The following CNTNAP2 variants were observed in gnomAD, a reference collection of about 807,000 sequenced individuals.
CNTNAP2 encodes contactin associated protein 2.
Under a neutral mutation model 155.2 loss-of-function variants are expected in CNTNAP2, and 98 were observed. That is an observed-to-expected ratio of 0.63 (90% CI 0.54 to 0.75). The LOEUF (loss-of-function observed/expected upper bound fraction) is 0.75. Among genes scored for constraint, CNTNAP2 ranks in the 30% least tolerant of loss-of-function variants. The pLI is 0.00. For missense variants in CNTNAP2, 1,727 were observed against 1,688.1 expected, an observed-to-expected ratio of 1.02 and a Z score of -0.40; for synonymous variants, 651 against 631.2, an observed-to-expected ratio of 1.03 and a Z score of -0.47.
At chr7:146,468,171 C>T (rs530034440) in intron 1 of CNTNAP2, among the ~76,000 whole-genome samples, 84 of 152,026 alleles carry the variant, frequency 5.5e-4, no homozygotes, top group Middle Eastern at 3.4e-3. Flanking sequence ...AGAAAGTCAA[C>T]GAAGAAAACT....
chr7:146,739,269 G>T (rs1353651061), intron 1 of CNTNAP2, among the ~76,000 whole-genome samples: 4 of 151,818 alleles, frequency 2.6e-5, no homozygotes, highest in Non-Finnish European at 5.9e-5. Context: ...GGCATTTATT[G>T]CTATAAAACT....
At chr7:148,110,528 C>T (rs537234243) in intron 15 of CNTNAP2, among the ~76,000 whole-genome samples, 1 of 152,156 alleles carries the variant, frequency 6.6e-6, no homozygotes, top group Admixed American at 6.5e-5. Context: ...AGTCTGTTAC[C>T]TCCTTCTCTT....
intron 2 of CNTNAP2, among the ~76,000 whole-genome samples, chr7:146,808,440 C>A (rs542522941): frequency 6.6e-6 from 1 of 152,124 alleles, no homozygotes; most frequent in Admixed American, 6.6e-5. Context: ...TCCTGCAATA[C>A]CAGGATTCTG....
chr7:147,639,428 T>C, intron 13 of CNTNAP2, 122 bp downstream of exon 13: 1 of 889,886 alleles, frequency 1.1e-6, no homozygotes, highest in African/African-American at 1.7e-5. Flanking sequence ...AAGGAAGCTG[T>C]AAATAAGTAA....
intron 22 of CNTNAP2, 65 bp from the exon 23 acceptor site, chr7:148,409,326 G>A: frequency 8.2e-7 from 1 of 1,218,460 alleles, no homozygotes; most frequent in Non-Finnish European, 1.2e-6. Flanking sequence ...GAAGAAATAG[G>A]TATCAAATTA....
chr7:146,160,298 C>A (rs1395047725), intron 1 of CNTNAP2, among the ~76,000 whole-genome samples: 1 of 152,010 alleles, frequency 6.6e-6, no homozygotes, highest in East Asian at 1.9e-4. Flanking sequence ...AAAGCACGAG[C>A]AAACACATTC....
rs937398613 is a variant in CNTNAP2, at chr7:146,477,675, ATCT to A, written c.98-296592_98-296590del. ...CACACACACACACACACACACACACATCTTCTGGATTGTATACTAAAAATTTAT... is the reference window on the plus strand; with the variant it reads ...CACACACACACACACACACACACACATCTGGATTGTATACTAAAAATTTAT... On this transcript the variant is annotated intron_variant, in intron 1 of 23. Coordinates refer to ENST00000361727, the MANE Select transcript of CNTNAP2 (RefSeq NM_014141.6). Among the ~76,000 whole-genome samples the A allele has an allele frequency of 5.8e-4, 81 of 138,912 alleles. No homozygotes were observed. In the East Asian group the frequency reaches 0.011, roughly 19 times the overall value. 91.1% of individuals were successfully genotyped at this position (138,912 alleles called of 152,430 possible). A position where few individuals can be genotyped will look rare whatever the true frequency, so the allele number is the denominator to read the frequency against.
rs768543866 is a variant in CNTNAP2, at chr7:146,829,889, A to C, written c.209-9822A>C. Among the ~76,000 whole-genome samples the C allele has an allele frequency of 2.6e-5, 4 of 152,086 alleles. No homozygotes were observed. In the East Asian group the frequency reaches 5.8e-4, roughly 22 times the overall value. On this transcript the variant is annotated intron_variant, in intron 2 of 23. Coordinates refer to ENST00000361727, the MANE Select transcript of CNTNAP2 (RefSeq NM_014141.6). ...TAAAAGATTGATCTCATAAGATTGA[A>C]TACCTTGTCCTATGTTTTATAGCTT...
intron 1 of CNTNAP2, among the ~76,000 whole-genome samples, chr7:146,559,832 T>C (rs1246970881): frequency 8.2e-6 from 1 of 121,934 alleles, no homozygotes; most frequent in Non-Finnish European, 1.7e-5. Flanking sequence ...ATGAATGCTG[T>C]TGTCATTTAA....
intron 1 of CNTNAP2, among the ~76,000 whole-genome samples, chr7:146,182,209 T>C (rs551841621): frequency 1.1e-3 from 175 of 152,254 alleles, no homozygotes; most frequent in African/African-American, 4.1e-3. Context: ...TGTACTTGTG[T>C]GAGAAAAAGA....
At chr7:147,564,158 C>T (rs1449465575) in intron 12 of CNTNAP2, among the ~76,000 whole-genome samples, 1 of 151,982 alleles carries the variant, frequency 6.6e-6, no homozygotes, top group Non-Finnish European at 1.5e-5. Flanking sequence ...AGAGTGAGAC[C>T]TGTCTCAATT....
At chr7:146,413,967 C>T (rs565467325) in intron 1 of CNTNAP2, among the ~76,000 whole-genome samples, 1 of 152,180 alleles carries the variant, frequency 6.6e-6, no homozygotes, top group East Asian at 1.9e-4. Context: ...TTGTAGCCTC[C>T]TTTACAGTTT....
intron 1 of CNTNAP2, among the ~76,000 whole-genome samples, chr7:146,639,357 T>C (rs1387311690): frequency 6.6e-6 from 1 of 152,150 alleles, no homozygotes; most frequent in Admixed American, 6.5e-5. Flanking sequence ...CCAATAACTT[T>C]CAAGGAACAC....
intron 3 of CNTNAP2, among the ~76,000 whole-genome samples, chr7:146,937,893 A>G (rs193156376): frequency 1.3e-5 from 2 of 152,348 alleles, no homozygotes; most frequent in East Asian, 3.9e-4. Context: ...TTATAGAGAC[A>G]AAGTTTAAGG....
intron 14 of CNTNAP2, among the ~76,000 whole-genome samples, chr7:147,919,459 C>CTT (rs796710849): frequency 2.0e-5 from 1 of 51,240 alleles, no homozygotes. Context: ...CTTTTTCTTT[C>CTT]TTTTTTTTTT....
chr7:147,359,503 C>T (rs1256466535), intron 9 of CNTNAP2, among the ~76,000 whole-genome samples: 3 of 152,012 alleles, frequency 2.0e-5, no homozygotes, highest in Admixed American at 6.6e-5. Context: ...TTTCAATGCT[C>T]CCCATTTTAC....
At chr7:146,125,547 G>A (rs1563131285) in intron 1 of CNTNAP2, among the ~76,000 whole-genome samples, 3 of 130,924 alleles carry the variant, frequency 2.3e-5, no homozygotes, top group Admixed American at 8.8e-5. Context: ...CTGCACTCCA[G>A]CCTGGGTGAC....
At chr7:147,598,130 G>C (rs907708117) in intron 12 of CNTNAP2, among the ~76,000 whole-genome samples, 3 of 150,798 alleles carry the variant, frequency 2.0e-5, no homozygotes, top group African/African-American at 7.3e-5. Context: ...TGGCCTCTGA[G>C]TTCGGCATTG....
intron 8 of CNTNAP2, among the ~76,000 whole-genome samples, chr7:147,212,786 G>A (rs1341154632): frequency 2.0e-5 from 3 of 152,082 alleles, no homozygotes; most frequent in Admixed American, 2.0e-4. Flanking sequence ...TTAAAAATGA[G>A]TACAACAAAT....
Sources: allele counts gnomAD v4.1 joint callset (sites outside exome capture counted in the v4.1 genomes callset), GRCh38; gene constraint gnomAD v4.1.1; transcripts MANE v1.5; gene names NCBI Gene and HGNC (gene_info 2026-07-23, HGNC 2026-07-21).